Variants in USP10 observed in about 807,000 individuals in gnomAD.
The protein encoded by USP10 is ubiquitin specific peptidase 10.
In USP10, 22 loss-of-function variants were observed where a neutral mutation model predicts 84.5. The ratio of observed to expected loss-of-function variants is 0.26; its 90% confidence interval spans 0.19 to 0.37. The LOEUF (loss-of-function observed/expected upper bound fraction) is 0.37. USP10 is among the 10% of genes least tolerant of loss of function. The pLI is 1.00. For missense variants in USP10, 1,019 were observed against 998.9 expected (o/e 1.02, Z -0.27); for synonymous variants, 454 against 387.6 (o/e 1.17, Z -2.01).
intron 4 of USP10, among the ~76,000 whole-genome samples, chr16:84,751,253 C>A (rs192539536): frequency 6.6e-6 from 1 of 152,178 alleles, no homozygotes; most frequent in African/African-American, 2.4e-5. Flanking sequence ...GGCATGTGAT[C>A]CCACAATGAC....
At chr16:84,701,078 CAA>C (rs1271205945) in intron 1 of USP10, among the ~76,000 whole-genome samples, 1 of 152,144 alleles carries the variant, frequency 6.6e-6, no homozygotes, top group African/African-American at 2.4e-5. Context: ...GGAAATGAAA[CAA>C]AGTAGCCATT....
chr16:84,730,344 CTG>C (rs1400894217), intron 1 of USP10, among the ~76,000 whole-genome samples: 1 of 151,964 alleles, frequency 6.6e-6, no homozygotes, highest in Non-Finnish European at 1.5e-5. Context: ...CTCTCGCTGT[CTG>C]TACCTAAAGT....
chr16:84,730,218 A>C (rs1909030408), intron 1 of USP10, among the ~76,000 whole-genome samples: 1 of 152,160 alleles, frequency 6.6e-6, no homozygotes, highest in Admixed American at 6.5e-5. Flanking sequence ...ATGCAGACAC[A>C]AATATCTATA....
rs531517811 is a variant in USP10 at position 84,772,892 on chromosome 16, AAACTCTAT to A, written c.2143+210_2143+217del. ...GTTGAAAATAGAGGCAAAAATAACT[AAACTCTAT>A]AATCTTACTAGATTAGAAAAATAGC... On this transcript the variant is annotated intron_variant, in intron 12 of 13. Transcript: ENST00000219473. 1.1e-3 allele frequency among the ~76,000 whole-genome samples: 164 copies of A among 152,266 alleles called. 1 individual carries two copies. Among genetic ancestry groups the A allele is most frequent in the African/African-American group, 3.8e-3 (156 of 41,548 alleles).
chr16:84,772,476 G>A, intron 11 of USP10, 65 bp from the exon 12 acceptor site: 5 of 1,600,824 alleles, frequency 3.1e-6, no homozygotes, highest in Non-Finnish European at 4.3e-6. Context: ...AGCGGAAGGT[G>A]GATGTGGTGT....
Position 84,760,189 on chromosome 16 carries a change from G to A in USP10, c.1468G>A (p.Val490Met), listed in dbSNP as rs34121691. The change falls in exon 8 of 14, where the codon GTG (valine) becomes ATG (methionine). Residue 490 changes from valine (V) to methionine (M), a missense_variant. Physicochemically the swap from Val to Met is conservative, Grantham distance 21. Transcript: ENST00000219473. ...KPRQALGDKIVRDIRPGAAFE... is the reference protein window; with the variant it reads ...KPRQALGDKIMRDIRPGAAFE... ...CATTGCAGCTCTTGGAGATAAAATCGTGAGGGATATTCGCCCTGGAGCTGC... is the reference window on the plus strand; with the variant it reads ...CATTGCAGCTCTTGGAGATAAAATCATGAGGGATATTCGCCCTGGAGCTGC... The A allele has an allele frequency of 6.1e-4, 981 of 1,608,794 alleles. 4 individuals carry two copies. In the African/African-American group the frequency reaches 0.011, roughly 18 times the overall value.
At chr16:84,742,668 G>A (rs1326448047) in intron 3 of USP10, among the ~76,000 whole-genome samples, 1 of 152,084 alleles carries the variant, frequency 6.6e-6, no homozygotes, top group Non-Finnish European at 1.5e-5. Flanking sequence ...CCTGCACTTC[G>A]TCTGCCTGGC....
chr16:84,761,771 G>A (rs185379917), intron 8 of USP10, among the ~76,000 whole-genome samples: 1 of 152,384 alleles, frequency 6.6e-6, no homozygotes, highest in African/African-American at 2.4e-5. Flanking sequence ...ATCAGTTATT[G>A]GACCGATGGG....
chr16:84,700,791 C>G (rs1904765349), intron 1 of USP10, among the ~76,000 whole-genome samples: 1 of 152,142 alleles, frequency 6.6e-6, no homozygotes, highest in South Asian at 2.1e-4. Flanking sequence ...CCTGCCTGAA[C>G]AGTAGCTAAA....
In USP10 at chr16:84,746,830, AT is replaced by A. The variant is rs546440974; in HGVS notation, c.1192+1159del. On this transcript the variant is annotated intron_variant, in intron 4 of 13. Transcript: ENST00000219473. The stretch of plus-strand genomic sequence containing the variant: ...TTTTTACGTTTTATTTTACTTTTAA[AT>A]TAAAAATTCTAAACTTTTTGACTCT... Among the ~76,000 whole-genome samples the A allele has an allele frequency of 2.9e-4, 44 of 152,350 alleles. No individual in the cohort carries two copies. The East Asian group carries it at 8.3e-3, about 29-fold the overall frequency.
At chr16:84,711,144 C>T (rs6564068) in intron 1 of USP10, among the ~76,000 whole-genome samples, 100,309 of 151,984 alleles carry the variant, frequency 0.66, 33,329 homozygotes, top group East Asian at 0.71. Context: ...TTCAGTTTGG[C>T]TTGGCATTCA....
intron 11 of USP10, among the ~76,000 whole-genome samples, chr16:84,771,386 T>A (rs534665636): frequency 1.3e-5 from 2 of 152,190 alleles, no homozygotes; most frequent in East Asian, 3.9e-4. Context: ...TCCCAGCTAC[T>A]TGGGAGGCTG....
In USP10 at chr16:84,744,683, A is replaced by C. The variant is rs371035288; in HGVS notation, c.202A>C (p.Ser68Arg). The C allele has an allele frequency of 6.2e-7, 1 of 1,613,518 alleles. No homozygotes were observed. The highest frequency in any genetic ancestry group is 8.5e-7 in the Non-Finnish European group (1 of 1,179,676). The part of the protein sequence containing the change: ...EFGVDEVIEP[S>R]DTLPRTPSYS... ...TGGTGTCGATGAAGTCATTGAACCC[A>C]GTGACACTTTGCCGAGAACCCCCAG... Residue 68 changes from serine to arginine, a missense_variant, in exon 4 of 14, where the codon AGT becomes CGT. Physicochemically the swap from Ser to Arg is moderately radical, Grantham distance 110. Transcript: ENST00000219473.
At chr16:84,741,938 A>G (rs574678554) in intron 3 of USP10, among the ~76,000 whole-genome samples, 2 of 152,112 alleles carry the variant, frequency 1.3e-5, no homozygotes, top group Admixed American at 1.3e-4. Context: ...CCCTCAGTAC[A>G]TTTGTTGGAT....
intron 1 of USP10, among the ~76,000 whole-genome samples, chr16:84,704,058 G>A (rs551178374): frequency 1.3e-5 from 2 of 152,216 alleles, no homozygotes; most frequent in Non-Finnish European, 2.9e-5. Flanking sequence ...AAGCCTAAGC[G>A]GCACGTTGCA....
intron 10 of USP10, among the ~76,000 whole-genome samples, chr16:84,764,932 A>AGAGAGAGAG (rs1555548042): frequency 1.5e-5 from 2 of 130,214 alleles, no homozygotes; most frequent in African/African-American, 5.8e-5. Context: ...AGAGAGAGAG[A>AGAGAGAGAG]AAAAAAAATA....
chr16:84,747,506 C>T (rs559576378), intron 4 of USP10, among the ~76,000 whole-genome samples: 15 of 151,256 alleles, frequency 9.9e-5, no homozygotes, highest in African/African-American at 3.6e-4. Context: ...AAATGATAGG[C>T]CAGACGTCGT....
intron 2 of USP10, 142 bp from the exon 3 acceptor site, chr16:84,740,166 TC>T (rs1209887348): frequency 4.7e-6 from 3 of 634,320 alleles, no homozygotes; most frequent in Non-Finnish European, 8.1e-6. Context: ...CACTGACTCT[TC>T]ATGTATGTTA....
intron 9 of USP10, among the ~76,000 whole-genome samples, 192 bp from the exon 10 acceptor site, chr16:84,763,894 C>T (rs1226005237): frequency 6.6e-6 from 1 of 151,580 alleles, no homozygotes; most frequent in Non-Finnish European, 1.5e-5. Context: ...GCCGTGGATC[C>T]AGTGACATTG....
Sources: gnomAD v4.1 joint callset for allele counts (sites outside exome capture counted in the v4.1 genomes callset) on GRCh38, gnomAD v4.1.1 for gene constraint, MANE v1.5 for transcripts, NCBI Gene and HGNC (gene_info 2026-07-23, HGNC 2026-07-21) for gene names.